Variants in COL1A1 observed in about 807,000 individuals in gnomAD.
COL1A1 encodes collagen alpha-1(I) chain.
COL1A1 carries 21 observed loss-of-function variants against 195.7 expected under a neutral mutation model. That is an observed-to-expected ratio of 0.11 (90% CI 0.08 to 0.15). The LOEUF (loss-of-function observed/expected upper bound fraction) is 0.15, where lower values mean the gene tolerates loss of function less well. Among genes scored for constraint, COL1A1 ranks in the 10% least tolerant of loss-of-function variants. COL1A1 has a pLI of 1.00. For missense variants in COL1A1, 1,365 were observed against 2,051.0 expected (o/e 0.67, Z 6.46); for synonymous variants, 749 against 747.3 (o/e 1.00, Z -0.04).
At position 50,189,993 on chromosome 17, in the gene COL1A1, C is replaced by A; in HGVS notation, c.2559+8G>T. On this transcript the variant is annotated splice_region_variant and intron_variant, in intron 36 of 50. Coordinates refer to ENST00000225964, the MANE Select transcript of COL1A1 (RefSeq NM_000088.4). This position sits in a 1 kb window ranked among gnomAD's most constrained non-coding sequence, Gnocchi z 5.5. Reference sequence around the variant, plus strand: ...AGCCTCGTGGGCACAGAGGGCCAAGCCACTCACAATGGGGCCAGGGGGTCC... The same window carrying A: ...AGCCTCGTGGGCACAGAGGGCCAAGACACTCACAATGGGGCCAGGGGGTCC... The A allele has an allele frequency of 6.2e-7, 1 of 1,611,936 alleles. No homozygotes were observed. Among genetic ancestry groups the A allele is most frequent in the Non-Finnish European group, 8.5e-7 (1 of 1,179,096 alleles).
chr17:50,191,259 G>A (rs760942558), intron 32 of COL1A1, 124 bp downstream of exon 32: 14 of 953,214 alleles, frequency 1.5e-5, no homozygotes, highest in Non-Finnish European at 2.4e-5. Context: ...AGGGGAAAGG[G>A]GAAGAAGGGA....
intron 3 of COL1A1, 38 bp from the exon 4 acceptor site, chr17:50,199,491 AGAG>A: frequency 6.2e-7 from 1 of 1,614,152 alleles, no homozygotes; most frequent in Non-Finnish European, 8.5e-7. Context: ...AGGCCAGGTT[AGAG>A]AAGGGAGGAC....
At chr17:50,198,581 G>T in intron 5 of COL1A1, 77 bp from the exon 6 acceptor site, 1 of 1,137,206 alleles carries the variant, frequency 8.8e-7, no homozygotes, top group Non-Finnish European at 1.3e-6. Flanking sequence ...GGAAGAAACT[G>T]ACATCATGCA....
At position 50,199,800 on chromosome 17, in the gene COL1A1, G is replaced by A. The variant is rs775095655; in HGVS notation, c.251C>T (p.Ala84Val). 5 of 1,613,882 alleles carry A rather than the reference G, an allele frequency of 3.1e-6. No individual in the cohort carries two copies. Among genetic ancestry groups the A allele is most frequent in the Admixed American group, 3.3e-5 (2 of 60,026 alleles). ...ACAGCACTCGCCCTCGGGGACTTCG[G>A]CGCCGGGGCAGTTCTTGGTCTCGTC... Reference protein sequence around the residue: ...ICDETKNCPGAEVPEGECCPV... With the variant: ...ICDETKNCPGVEVPEGECCPV... Residue 84 changes from alanine to valine, a missense_variant, in exon 2 of 51, where the codon GCC becomes GTC. Physicochemically the swap from Ala to Val is moderately conservative, Grantham distance 64 (BLOSUM62 0). Around this residue, in one of 5 missense-constraint regions of COL1A1, gnomAD observed 194 missense variants for 221.7 expected, o/e 0.88. Coordinates refer to ENST00000225964, the MANE Select transcript of COL1A1 (RefSeq NM_000088.4).
chr17:50,194,111 CA>C lies in COL1A1; in HGVS notation c.1668+18del, dbSNP rs779620095. Reference sequence around the variant, plus strand: ...GCAGACAGGACAATGGCAGGGGGTTCAGGGGGAGTGATACTTACAGGGGGGC... The same window carrying C: ...GCAGACAGGACAATGGCAGGGGGTTCGGGGGAGTGATACTTACAGGGGGGC... On this transcript the variant is annotated intron_variant, in intron 24 of 50. Transcript: ENST00000225964. This position sits in a 1 kb window ranked among gnomAD's most constrained non-coding sequence, Gnocchi z 6.8. 3.7e-6 allele frequency: 6 copies of C among 1,612,256 alleles called. No individual in the cohort carries two copies. The highest frequency in any genetic ancestry group is 1.3e-5 in the African/African-American group (1 of 74,562).
intron 9 of COL1A1, 21 bp downstream of exon 9, chr17:50,197,711 C>A (rs780234027): frequency 1.3e-6 from 2 of 1,568,332 alleles, no homozygotes; most frequent in African/African-American, 2.8e-5. Flanking sequence ...CAGATGGTAT[C>A]TTCTTGCTGG....
In COL1A1 at chr17:50,185,257, C is replaced by CT. The variant is rs56302025; in HGVS notation, c.*244dup. On this transcript the variant is annotated 3_prime_UTR_variant, in exon 51 of 51. Transcript: ENST00000225964. Reference sequence around the variant, plus strand: ...TTTTTTAAAAAGTTATTTATTTATTCTTTTTTTTTTTTTTTTTTTGGTAAG... The same window carrying CT: ...TTTTTTAAAAAGTTATTTATTTATTCTTTTTTTTTTTTTTTTTTTTGGTAAG... 13,125 of 191,244 alleles carry CT rather than the reference C, an allele frequency of 0.069. 1,159 individuals carry two copies. Among genetic ancestry groups the CT allele is most frequent in the Middle Eastern group, 0.15 (76 of 516 alleles). 11.8% of individuals were successfully genotyped at this position (191,244 alleles called of 1,614,324 possible). A position where few individuals can be genotyped will look rare whatever the true frequency, so the allele number is the denominator to read the frequency against.
In COL1A1 at chr17:50,186,359, C is replaced by G. The variant is rs764729498; in HGVS notation, c.3963G>C (p.Lys1321Asn). ...TGCTCTCGCCGAACCAGACATGCCTCTTGTCCTTGGGGTTCTTGCTGATGT... is the reference window on the plus strand; with the variant it reads ...TGCTCTCGCCGAACCAGACATGCCTGTTGTCCTTGGGGTTCTTGCTGATGT... ...NWYISKNPKD[K>N]RHVWFGESMT... The change falls in exon 49 of 51, where the codon AAG becomes AAC. Residue 1321 changes from lysine to asparagine, a missense_variant. This residue lies in a region of COL1A1 where 273 missense variants were observed against 338.6 expected (regional missense o/e 0.81). Transcript: ENST00000225964. This position sits in a 1 kb window ranked among gnomAD's most constrained non-coding sequence, Gnocchi z 5.3. The G allele has an allele frequency of 1.9e-6, 3 of 1,614,258 alleles. No homozygotes were observed. The highest frequency in any genetic ancestry group is 2.5e-6 in the Non-Finnish European group (3 of 1,180,050).
chr17:50,197,306 G>T (rs570782843), intron 9 of COL1A1, 73 bp from the exon 10 acceptor site: 2 of 1,480,082 alleles, frequency 1.4e-6, no homozygotes, highest in African/African-American at 1.4e-5. Context: ...AGTGGAGAAG[G>T]TCTCAGTCTT....
chr17:50,200,012 C>A (rs1221686669), intron 1 of COL1A1, 65 bp from the exon 2 acceptor site: 1 of 1,549,528 alleles, frequency 6.5e-7, no homozygotes, highest in Non-Finnish European at 8.9e-7. Context: ...CCACCTTTCC[C>A]CCGGGTCTAA....
Position 50,187,531 on chromosome 17 carries a change from G to C in COL1A1, c.3376C>G (p.Pro1126Ala), listed in dbSNP as rs376986354. 6.2e-7 allele frequency: 1 copy of C among 1,613,896 alleles called. No homozygotes were observed. The highest frequency in any genetic ancestry group is 8.5e-7 in the Non-Finnish European group (1 of 1,179,986). The change falls in exon 46 of 51, where the codon CCT (proline) becomes GCT (alanine). Residue 1126 changes from proline (P) to alanine (A), a missense_variant. Coordinates refer to ENST00000225964, the MANE Select transcript of COL1A1 (RefSeq NM_000088.4). ...LQGPPGPPGS[P>A]GEQGPSGASG... Reference sequence around the variant, plus strand: ...GCTCCAGAGGGACCTTGTTCACCAGGAGAGCCCTGAAGGACAGATAAAAAA... The same window carrying C: ...GCTCCAGAGGGACCTTGTTCACCAGCAGAGCCCTGAAGGACAGATAAAAAA...
At position 50,190,839 on chromosome 17, in the gene COL1A1, G is replaced by A. The variant is rs377327542; in HGVS notation, c.2321C>T (p.Pro774Leu). Residue 774 changes from proline (P) to leucine (L), a missense_variant, in exon 33 of 51, where the codon CCT becomes CTT. Transcript: ENST00000225964. This position sits in a 1 kb window ranked among gnomAD's most constrained non-coding sequence, Gnocchi z 4.7. ...GLTGPIGPPGPAGAPGDKGES... is the reference protein window; with the variant it reads ...GLTGPIGPPGLAGAPGDKGES... ...CACCTTGTCACCAGGGGCACCAGCA[G>A]GGCCAGGAGGACCAATGGGGCCAGT... 1.2e-6 allele frequency: 2 copies of A among 1,613,430 alleles called. No individual in the cohort carries two copies. Among genetic ancestry groups the A allele is most frequent in the Non-Finnish European group, 1.7e-6 (2 of 1,179,624 alleles).
In COL1A1 at chr17:50,197,024, T is replaced by C; in HGVS notation, c.790A>G (p.Met264Val). 2 of 1,614,046 alleles carry C rather than the reference T, an allele frequency of 1.2e-6. No individual in the cohort carries two copies. Among genetic ancestry groups the C allele is most frequent in the Non-Finnish European group, 1.7e-6 (2 of 1,179,954 alleles). Reference protein sequence around the residue: ...GLPGTAGLPGMKGHRGFSGLD... With the variant: ...GLPGTAGLPGVKGHRGFSGLD... Reference sequence around the variant, plus strand: ...AGGTGACTCACTCTGTGTCCCTTCATTCCAGGGAGGCCAGCTGTTCCGGGC... The same window carrying C: ...AGGTGACTCACTCTGTGTCCCTTCACTCCAGGGAGGCCAGCTGTTCCGGGC... Residue 264 changes from methionine (M) to valine (V), a missense_variant, in exon 11 of 51, where the codon ATG becomes GTG. By Grantham distance (21) the Met-to-Val change is conservative (BLOSUM62 1). Coordinates refer to ENST00000225964, the MANE Select transcript of COL1A1 (RefSeq NM_000088.4).
Position 50,188,118 on chromosome 17 carries a change from G to A in COL1A1, c.3239C>T (p.Pro1080Leu). The change falls in exon 44 of 51, where the codon CCT (proline) becomes CTT (leucine). Residue 1080 changes from proline to leucine, a missense_variant. Coordinates refer to ENST00000225964, the MANE Select transcript of COL1A1 (RefSeq NM_000088.4). This position sits in a 1 kb window ranked among gnomAD's most constrained non-coding sequence, Gnocchi z 5.6. ...TACGGCGGGGCCACGGGCGCCAACA[G>A]GGCCGACAGGACCGGCGGGACCAGC... ...GPAGPAGPVG[P>L]VGARGPAGPQ... The A allele has an allele frequency of 1.3e-6, 2 of 1,581,466 alleles. No individual in the cohort carries two copies. The highest frequency in any genetic ancestry group is 1.7e-6 in the Non-Finnish European group (2 of 1,162,204).
chr17:50,200,446 TGGAA>T (rs1009781167), intron 1 of COL1A1, among the ~76,000 whole-genome samples: 4 of 151,888 alleles, frequency 2.6e-5, no homozygotes, highest in Admixed American at 6.5e-5. Context: ...AGCGGCTGAT[TGGAA>T]GGGAGGCCCC....
Position 50,186,179 on chromosome 17 carries a change from C to T in COL1A1, c.4005+138G>A, listed in dbSNP as rs1387510497. The T allele has an allele frequency of 6.6e-7, 1 of 1,510,362 alleles. No homozygotes were observed. Among genetic ancestry groups the T allele is most frequent in the Non-Finnish European group, 9.0e-7 (1 of 1,105,568 alleles). The allele number at this position is 1,510,362 out of a possible 1,614,324, so 93.6% of individuals were successfully genotyped here. On this transcript the variant is annotated intron_variant, in intron 49 of 50. Coordinates refer to ENST00000225964, the MANE Select transcript of COL1A1 (RefSeq NM_000088.4). The surrounding 1 kb of genome is among the most constrained non-coding windows in gnomAD (Gnocchi z 5.3). ...CGGCAGCCTGTGTCTGAACCACTAT[C>T]AGGGACCTGAGACCCCTGCCTCCCA...
Position 50,199,796 on chromosome 17 carries a change from T to C in COL1A1, c.255A>G (p.Glu85=). 6.2e-7 allele frequency: 1 copy of C among 1,613,804 alleles called. No individual in the cohort carries two copies. Among genetic ancestry groups the C allele is most frequent in the Non-Finnish European group, 8.5e-7 (1 of 1,179,960 alleles). Residue 85 remains glutamate (E), a synonymous_variant, in exon 2 of 51, where the codon GAA becomes GAG. Coordinates refer to ENST00000225964, the MANE Select transcript of COL1A1 (RefSeq NM_000088.4). ...CDETKNCPGA[E]VPEGECCPVC... is the part of the protein sequence containing the mutation. Reference sequence around the variant, plus strand: ...CGGGACAGCACTCGCCCTCGGGGACTTCGGCGCCGGGGCAGTTCTTGGTCT... The same window carrying C: ...CGGGACAGCACTCGCCCTCGGGGACCTCGGCGCCGGGGCAGTTCTTGGTCT...
chr17:50,191,727 C>A, intron 31 of COL1A1, 61 bp downstream of exon 31: 1 of 1,521,926 alleles, frequency 6.6e-7, no homozygotes, highest in Non-Finnish European at 8.9e-7. Context: ...TCCCCTGCTG[C>A]AGGAGGGGTG....
chr17:50,195,339 G>A lies in COL1A1; in HGVS notation c.1201-9C>T, dbSNP rs751542035. Reference sequence around the variant, plus strand: ...GCAATACCAGGAGCACCCTGTGGGAGGCAGACAGCCAGGGCGTGAGCCTAG... The same window carrying A: ...GCAATACCAGGAGCACCCTGTGGGAAGCAGACAGCCAGGGCGTGAGCCTAG... On this transcript the variant is annotated splice_polypyrimidine_tract_variant and intron_variant, in intron 18 of 50. Coordinates refer to ENST00000225964, the MANE Select transcript of COL1A1 (RefSeq NM_000088.4). This position sits in a 1 kb window ranked among gnomAD's most constrained non-coding sequence, Gnocchi z 4.3. 3.1e-6 allele frequency: 5 copies of A among 1,613,870 alleles called. No individual in the cohort carries two copies. In the South Asian group the frequency reaches 3.3e-5, roughly 11 times the overall value.
Sources: gnomAD v4.1 joint callset for allele counts (sites outside exome capture counted in the v4.1 genomes callset) on GRCh38, gnomAD v4.1.1 for gene constraint, gnomAD v4.1.1 regional missense constraint, Gnocchi (gnomAD v3.1) non-coding constraint, MANE v1.5 for transcripts, NCBI Gene and HGNC (gene_info 2026-07-23, HGNC 2026-07-21) for gene names.